Variants in ARL15 observed in about 807,000 individuals in gnomAD.
ARL15 encodes the protein ARF like GTPase 15, also known as ADP-ribosylation factor-like protein 15.
A neutral mutation model predicts 25.2 loss-of-function variants in ARL15; 19 were observed. The observed-to-expected ratio is 0.75, with a 90% CI of 0.53 to 1.10. The LOEUF is 1.10. Among genes scored for constraint, ARL15 ranks in the 50% least tolerant of loss-of-function variants. The pLI, the probability that ARL15 is intolerant of heterozygous loss-of-function variation, is 0.00. For synonymous variants in ARL15, 94 were observed against 86.8 expected (o/e 1.08, Z -0.46); for missense variants, 220 against 246.0 (o/e 0.89, Z 0.71).
chr5:54,193,792 G>C (rs1445122916), intron 1 of ARL15, among the ~76,000 whole-genome samples: 1 of 150,510 alleles, frequency 6.6e-6, no homozygotes, highest in East Asian at 1.9e-4. Context: ...CATCATAGGT[G>C]CTCAATAAAT....
intron 4 of ARL15, among the ~76,000 whole-genome samples, chr5:53,940,264 C>T (rs545058959): frequency 1.3e-5 from 2 of 152,266 alleles, no homozygotes; most frequent in East Asian, 3.9e-4. Flanking sequence ...TGAACCACCG[C>T]GCCCGGCAGT....
Position 54,310,414 on chromosome 5 carries a change from C to T in ARL15, c.48+18G>A, listed in dbSNP as rs1758866963. The T allele has an allele frequency of 6.2e-7, 1 of 1,606,898 alleles. No individual in the cohort carries two copies. Among genetic ancestry groups the T allele is most frequent in the Admixed American group, 1.7e-5 (1 of 59,030 alleles). ...CCGAGATCCGAGAGGCGACATGCCA[C>T]CCCTGCCCTGCACCTACCAGATAAT... On this transcript the variant is annotated intron_variant, in intron 1 of 4. Coordinates refer to ENST00000504924, the MANE Select transcript of ARL15 (RefSeq NM_019087.3).
intron 1 of ARL15, among the ~76,000 whole-genome samples, chr5:54,262,641 A>T (rs2112625363): frequency 6.6e-6 from 1 of 152,324 alleles, no homozygotes; most frequent in South Asian, 2.1e-4. Flanking sequence ...ATTAAGTAAA[A>T]TAATGGCAAA....
chr5:53,970,346 T>A (rs1747698587), intron 4 of ARL15, among the ~76,000 whole-genome samples: 1 of 152,206 alleles, frequency 6.6e-6, no homozygotes, highest in South Asian at 2.1e-4. Flanking sequence ...AAAATATCAC[T>A]CAGCTTCTAC....
chr5:54,131,834 C>T (rs1198567886), intron 3 of ARL15, among the ~76,000 whole-genome samples: 1 of 151,216 alleles, frequency 6.6e-6, no homozygotes, highest in Non-Finnish European at 1.5e-5. Flanking sequence ...ACCCAGGAGG[C>T]GGAGCTTGCA....
At chr5:54,099,892 A>G (rs1752385893) in intron 4 of ARL15, among the ~76,000 whole-genome samples, 1 of 152,162 alleles carries the variant, frequency 6.6e-6, no homozygotes, top group Admixed American at 6.5e-5. Flanking sequence ...CAACAGTGAG[A>G]AGGATTTAAA....
intron 4 of ARL15, among the ~76,000 whole-genome samples, chr5:54,093,039 C>T (rs1236810754): frequency 6.6e-6 from 1 of 152,094 alleles, no homozygotes. Context: ...ATTATAGGCA[C>T]ATTTACATGC....
intron 1 of ARL15, among the ~76,000 whole-genome samples, chr5:54,287,712 G>T (rs1367174155): frequency 6.6e-6 from 1 of 152,044 alleles, no homozygotes; most frequent in South Asian, 2.1e-4. Context: ...CTAACTCCCT[G>T]CCAAAGGAAT....
At position 54,180,886 on chromosome 5, in the gene ARL15, A is replaced by G. The variant is rs539867618; in HGVS notation, c.49-8958T>C. 1.9e-3 allele frequency among the ~76,000 whole-genome samples: 289 copies of G among 152,316 alleles called. 1 individual carries two copies. Among genetic ancestry groups the G allele is most frequent in the Middle Eastern group, 6.8e-3 (2 of 294 alleles). On this transcript the variant is annotated intron_variant, in intron 1 of 4. Coordinates refer to ENST00000504924, the MANE Select transcript of ARL15 (RefSeq NM_019087.3). ...CTTAGCAGCTATAGACATTGGCCTC[A>G]CGGCTTTGCAGAGGGGCAGACATCT... is the stretch of plus-strand genomic sequence containing the variant.
intron 4 of ARL15, among the ~76,000 whole-genome samples, chr5:53,978,745 A>G (rs1561173789): frequency 1.3e-5 from 2 of 152,142 alleles, no homozygotes; most frequent in African/African-American, 4.8e-5. Flanking sequence ...ACACACATAT[A>G]TATTTTATAG....
intron 4 of ARL15, among the ~76,000 whole-genome samples, chr5:53,899,365 AAAAAAAAAAAAAAAAAAAAAAAT>A (rs1451307752): frequency 3.7e-5 from 1 of 26,814 alleles, no homozygotes; most frequent in South Asian, 7.1e-4. Context: ...AAAAAAAAAA[AAAAAAAAAAAAAAAAAAAAAAAT>A]AGATTTGTCA....
chr5:53,898,088 T>C (rs1028707652), intron 4 of ARL15, among the ~76,000 whole-genome samples: 37 of 152,344 alleles, frequency 2.4e-4, no homozygotes, highest in African/African-American at 8.7e-4. Context: ...ACTTCTTCAC[T>C]GTCTTCATGT....
intron 3 of ARL15, among the ~76,000 whole-genome samples, chr5:54,123,344 C>T (rs1315340041): frequency 6.6e-6 from 1 of 152,014 alleles, no homozygotes; most frequent in East Asian, 1.9e-4. Flanking sequence ...CTCCTGACCT[C>T]GTGATCTGCC....
chr5:54,224,537 G>A (rs866060471), intron 1 of ARL15, among the ~76,000 whole-genome samples: 53 of 152,112 alleles, frequency 3.5e-4, no homozygotes, highest in African/African-American at 1.2e-3. Context: ...AAAATTATAC[G>A]GAAAAATATA....
At chr5:54,224,160 C>T (rs533155154) in intron 1 of ARL15, among the ~76,000 whole-genome samples, 2 of 152,056 alleles carry the variant, frequency 1.3e-5, no homozygotes, top group Non-Finnish European at 2.9e-5. Flanking sequence ...ACAAGGAGGC[C>T]GGGGTAACCG....
In ARL15 at chr5:53,918,181, T is replaced by TTTTA. The variant is rs112974035; in HGVS notation, c.463-31472_463-31469dup. On this transcript the variant is annotated intron_variant, in intron 4 of 4. Transcript: ENST00000504924. ...AGAAAACCAATTTAGAAAAAGCAGA[T>TTTTA]TTTATTTATTTATTTATTTATTTAG... Among the ~76,000 whole-genome samples the TTTTA allele has an allele frequency of 4.3e-3, 647 of 152,070 alleles. 3 individuals carry two copies. The highest frequency in any genetic ancestry group is 0.014 in the African/African-American group (573 of 41,488).
At chr5:54,169,544 A>T (rs1323497299) in intron 2 of ARL15, among the ~76,000 whole-genome samples, 1 of 152,212 alleles carries the variant, frequency 6.6e-6, no homozygotes, top group Non-Finnish European at 1.5e-5. Context: ...CCTACCTGTC[A>T]TATAAGGGCT....
intron 1 of ARL15, among the ~76,000 whole-genome samples, chr5:54,271,902 TAAC>T (rs1172940994): frequency 1.0e-4 from 15 of 146,568 alleles, no homozygotes; most frequent in Non-Finnish European, 1.5e-4. Flanking sequence ...TGGCTGTGCT[TAAC>T]ATTTATTTAT....
intron 1 of ARL15, among the ~76,000 whole-genome samples, chr5:54,309,370 C>T (rs1488069244): frequency 6.6e-6 from 1 of 152,244 alleles, no homozygotes; most frequent in Non-Finnish European, 1.5e-5. Context: ...GCCGGTCCGG[C>T]GTTTCTTGGC....
Sources: gnomAD v4.1 joint callset for allele counts (sites outside exome capture counted in the v4.1 genomes callset) on GRCh38, gnomAD v4.1.1 for gene constraint, MANE v1.5 for transcripts, NCBI Gene and HGNC (gene_info 2026-07-23, HGNC 2026-07-21) for gene names.